Variants in ALG11 observed in about 807,000 individuals in gnomAD.
ALG11 encodes the protein GDP-Man:Man(3)GlcNAc(2)-PP-Dol alpha-1,2-mannosyltransferase.
A neutral mutation model predicts 38.8 loss-of-function variants in ALG11; 26 were observed. The observed-to-expected ratio is 0.67, with a 90% CI of 0.49 to 0.93. The LOEUF is 0.93. Among genes scored for constraint, ALG11 ranks in the 40% least tolerant of loss-of-function variants. The probability of loss-of-function intolerance (pLI) is 0.00; values close to 1 mark genes in which losing one functional copy is unlikely to be tolerated. For missense variants in ALG11, 535 were observed against 578.8 expected, an observed-to-expected ratio of 0.92 and a Z score of 0.78; for synonymous variants, 199 against 211.6, an observed-to-expected ratio of 0.94 and a Z score of 0.52.
At position 52,033,479 on chromosome 13, in the gene ALG11, C is replaced by T. The variant is rs1006807538; in HGVS notation, c.*4889C>T. On this transcript the variant is annotated 3_prime_UTR_variant, in exon 4 of 4. Transcript: ENST00000521508. The stretch of plus-strand genomic sequence containing the variant: ...ATTTTTCATTCTCTTGGATTCTTTC[C>T]AGTGTGGTGCCTTTTATATGCCTCA... 4.8e-5 allele frequency: 8 copies of T among 166,930 alleles called. No homozygotes were observed. The Admixed American group carries it at 5.2e-4, about 11-fold the overall frequency. 10.3% of individuals were successfully genotyped at this position (166,930 alleles called of 1,614,324 possible). A position where few individuals can be genotyped will look rare whatever the true frequency, so the allele number is the denominator to read the frequency against.
intron 1 of ALG11, among the ~76,000 whole-genome samples, chr13:52,018,015 GA>G (rs1209274040): frequency 6.6e-6 from 1 of 152,200 alleles, no homozygotes; most frequent in Non-Finnish European, 1.5e-5. Context: ...GGCAGAGTAT[GA>G]AAAATATTAA....
Position 52,024,199 on chromosome 13 carries a change from AT to A in ALG11, c.474del (p.Gly160AlafsTer5), listed in dbSNP as rs766060617. Reference sequence around the variant, plus strand: ...ACTGCTGGGCCAAAGTCTAGGATCCATTTTTCTTGGCTGGGAAGCTCTAATG... The same window carrying A: ...ACTGCTGGGCCAAAGTCTAGGATCCATTTTCTTGGCTGGGAAGCTCTAATG... Reference protein sequence around the residue: ...FTLLGQSLGSIFLGWEALMQC... With the variant: ...FTLLGQSLGSXFLGWEALMQC... On this transcript the variant is annotated frameshift_variant, in exon 3 of 4. Transcript: ENST00000521508. LOFTEE classifies it high-confidence loss of function. The A allele has an allele frequency of 3.3e-5, 53 of 1,613,850 alleles. No individual in the cohort carries two copies. Among genetic ancestry groups the A allele is most frequent in the Non-Finnish European group, 4.2e-5 (50 of 1,180,010 alleles).
In ALG11 at chr13:52,030,031, AAGAC is replaced by A. The variant is rs780302770; in HGVS notation, c.*1442_*1445del. The A allele has an allele frequency of 5.0e-5, 81 of 1,614,134 alleles. No homozygotes were observed. The highest frequency in any genetic ancestry group is 6.7e-5 in the Non-Finnish European group (79 of 1,180,050). On this transcript the variant is annotated 3_prime_UTR_variant, in exon 4 of 4. Transcript: ENST00000521508. Reference sequence around the variant, plus strand: ...AGGTTTCTGCAAGTGAGGCAGAAGAAAGACCAGTGGCAGAGGAAGAAATTTTGTT... The same window carrying A: ...AGGTTTCTGCAAGTGAGGCAGAAGAACAGTGGCAGAGGAAGAAATTTTGTT...
chr13:52,028,147 T>G (rs1292010261), intron 3 of ALG11, among the ~76,000 whole-genome samples, 172 bp from the exon 4 acceptor site: 1 of 152,174 alleles, frequency 6.6e-6, no homozygotes, highest in Admixed American at 6.5e-5. Flanking sequence ...ACTAAAAAAC[T>G]TAAAATTATT....
chr13:52,022,026 G>A (rs1954188195), intron 2 of ALG11: 1 of 152,190 alleles, frequency 6.6e-6, no homozygotes, highest in African/African-American at 2.4e-5. Flanking sequence ...TGTTATTCCA[G>A]GGGAGGGGAC....
In ALG11 at chr13:52,029,257, G is replaced by T. The variant is rs764940720; in HGVS notation, c.*667G>T. Reference sequence around the variant, plus strand: ...GGGACCCTATCATCCTGAAGAACCAGCAGGCAGAGCAGCTGGTTTTTCCCC... The same window carrying T: ...GGGACCCTATCATCCTGAAGAACCATCAGGCAGAGCAGCTGGTTTTTCCCC... On this transcript the variant is annotated 3_prime_UTR_variant, in exon 4 of 4. Coordinates refer to ENST00000521508, the MANE Select transcript of ALG11 (RefSeq NM_001004127.3). 3.1e-6 allele frequency: 5 copies of T among 1,614,162 alleles called. No individual in the cohort carries two copies. In the East Asian group the frequency reaches 1.1e-4, roughly 36 times the overall value.
chr13:52,033,248 T>A lies in ALG11; in HGVS notation c.*4658T>A, dbSNP rs1954322962. The stretch of plus-strand genomic sequence containing the variant: ...AGGATGACTATTAATTCCTCTCAGA[T>A]GTCATTTTTGAGTGGTCCAAGCCTG... On this transcript the variant is annotated 3_prime_UTR_variant, in exon 4 of 4. Coordinates refer to ENST00000521508, the MANE Select transcript of ALG11 (RefSeq NM_001004127.3). The A allele has an allele frequency of 6.0e-6, 1 of 167,042 alleles. No individual in the cohort carries two copies. Among genetic ancestry groups the A allele is most frequent in the Admixed American group, 6.5e-5 (1 of 15,284 alleles). The allele number at this position is 167,042 out of a possible 1,614,324, so 10.3% of individuals were successfully genotyped here.
chr13:52,030,344 G>C lies in ALG11; in HGVS notation c.*1754G>C, dbSNP rs1296364979. Reference sequence around the variant, plus strand: ...AGTACAAACTCTGGAAGAGCTAGAAGAGCTGGGAAAAGAAGATTGTTTTCA... The same window carrying C: ...AGTACAAACTCTGGAAGAGCTAGAACAGCTGGGAAAAGAAGATTGTTTTCA... On this transcript the variant is annotated 3_prime_UTR_variant, in exon 4 of 4. Coordinates refer to ENST00000521508, the MANE Select transcript of ALG11 (RefSeq NM_001004127.3). The C allele has an allele frequency of 6.2e-7, 1 of 1,614,108 alleles. No individual in the cohort carries two copies. Among genetic ancestry groups the C allele is most frequent in the African/African-American group, 1.3e-5 (1 of 74,930 alleles).
chr13:52,016,430 G>T (rs1954135037), intron 1 of ALG11: 2 of 152,246 alleles, frequency 1.3e-5, no homozygotes, highest in African/African-American at 4.8e-5. Context: ...GGCAATGTCG[G>T]AGACCTTCAT....
intron 2 of ALG11, chr13:52,020,975 C>G (rs1314463474): frequency 6.6e-6 from 1 of 152,214 alleles, no homozygotes; most frequent in Non-Finnish European, 1.5e-5. Context: ...TGCTATGTGT[C>G]AGGCACTGTT....
At chr13:52,028,220 A>G (rs1428994396) in intron 3 of ALG11, 99 bp from the exon 4 acceptor site, 19 of 1,401,738 alleles carry the variant, frequency 1.4e-5, no homozygotes, top group African/African-American at 1.4e-5. Context: ...TAAGTTTCTC[A>G]TAAGTCCCTT....
intron 1 of ALG11, among the ~76,000 whole-genome samples, chr13:52,013,458 T>G (rs750264380): frequency 6.6e-5 from 10 of 152,242 alleles, no homozygotes; most frequent in Non-Finnish European, 1.5e-4. Context: ...TATTCCTCAG[T>G]GCTTTACATT....
Position 52,030,278 on chromosome 13 carries a change from C to A in ALG11, c.*1688C>A. 6.2e-7 allele frequency: 1 copy of A among 1,614,070 alleles called. No individual in the cohort carries two copies. The highest frequency in any genetic ancestry group is 1.1e-5 in the South Asian group (1 of 91,080). On this transcript the variant is annotated 3_prime_UTR_variant, in exon 4 of 4. Transcript: ENST00000521508. ...CCAGGTCCAGAGAGAGGAACCTGCC[C>A]CAGAAGAAGCGGAACCCCTATTGCT...
At chr13:52,027,996 G>T (rs1485336368) in intron 3 of ALG11, among the ~76,000 whole-genome samples, 1 of 151,704 alleles carries the variant, frequency 6.6e-6, no homozygotes, top group Non-Finnish European at 1.5e-5. Flanking sequence ...GGTAGCTCAC[G>T]CTGGTAAATC....
At chr13:52,026,064 G>T (rs748900030) in intron 3 of ALG11, among the ~76,000 whole-genome samples, 2 of 152,232 alleles carry the variant, frequency 1.3e-5, no homozygotes, top group Non-Finnish European at 2.9e-5. Flanking sequence ...GGTACCAACA[G>T]GCTACACAGG....
intron 2 of ALG11, chr13:52,023,587 C>T: frequency 6.9e-6 from 1 of 145,676 alleles, no homozygotes. Context: ...AAGAGTGAAA[C>T]TGTCTCCAAA....
At chr13:52,022,827 T>G (rs1040182908) in intron 2 of ALG11, 6 of 152,146 alleles carry the variant, frequency 3.9e-5, no homozygotes, top group African/African-American at 1.5e-4. Flanking sequence ...GCCTCCCAAG[T>G]AGCTGGGATT....
At position 52,030,117 on chromosome 13, in the gene ALG11, C is replaced by G; in HGVS notation, c.*1527C>G. On this transcript the variant is annotated 3_prime_UTR_variant, in exon 4 of 4. Transcript: ENST00000521508. ...AAAAGATCTGAGCTCAACCAGGATG[C>G]TGAGCCAGCAAGCAGTCAAGAAACA... 6.2e-7 allele frequency: 1 copy of G among 1,614,206 alleles called. No homozygotes were observed. Among genetic ancestry groups the G allele is most frequent in the Non-Finnish European group, 8.5e-7 (1 of 1,180,046 alleles).
At chr13:52,019,632 T>C (rs1232230579) in intron 2 of ALG11, among the ~76,000 whole-genome samples, 4 of 152,176 alleles carry the variant, frequency 2.6e-5, no homozygotes, top group African/African-American at 9.7e-5. Flanking sequence ...TATTTGACTT[T>C]AGTTACTATG....
Sources: gnomAD v4.1 joint callset for allele counts (sites outside exome capture counted in the v4.1 genomes callset) on GRCh38, gnomAD v4.1.1 for gene constraint, MANE v1.5 for transcripts, NCBI Gene and HGNC (gene_info 2026-07-23, HGNC 2026-07-21) for gene names.